Variants in PCGF2 observed in about 807,000 individuals in gnomAD.
PCGF2 encodes polycomb group RING finger protein 2.
In PCGF2, 8 loss-of-function variants were observed where a neutral mutation model predicts 36.1. The observed-to-expected ratio is 0.22, with a 90% CI of 0.13 to 0.40. PCGF2 has a LOEUF of 0.40. Ranked by LOEUF, PCGF2 falls within the 10% of genes least tolerant of loss-of-function variation. PCGF2 has a pLI of 1.00. For synonymous variants in PCGF2, 198 were observed against 191.2 expected, an observed-to-expected ratio of 1.04 and a Z score of -0.29; for missense variants, 436 against 475.9, an observed-to-expected ratio of 0.92 and a Z score of 0.78.
Position 38,739,090 on chromosome 17 carries a change from A to G in PCGF2, c.294T>C (p.Tyr98=). The stretch of plus-strand genomic sequence containing the variant: ...CACCCTCCGTCAGGGGGTACGCTGC[A>G]TAGAAATCCCGCCGCCGTTTCATCT... ...KDEMKRRRDF[Y]AAYPLTEVPN... Residue 98 remains tyrosine (Y), a synonymous_variant, in exon 6 of 11, where the codon TAT becomes TAC. Transcript: ENST00000620225. This position sits in a 1 kb window ranked among gnomAD's most constrained non-coding sequence, Gnocchi z 4.0. The G allele has an allele frequency of 2.5e-6, 4 of 1,613,662 alleles. No homozygotes were observed. Among genetic ancestry groups the G allele is most frequent in the Non-Finnish European group, 3.4e-6 (4 of 1,180,022 alleles).
upstream of PCGF2, chr17:38,748,498 G>C (rs775386562): frequency 6.6e-6 from 1 of 152,208 alleles, no homozygotes; most frequent in Non-Finnish European, 1.5e-5. Context: ...TGGCAGAGAC[G>C]GGAAGAGGAG....
chr17:38,747,917 G>C lies in PCGF2; in HGVS notation c.-79C>G, dbSNP rs1439144050. ...CTGCCCGGGGGCTGCTGCACAAAGAGGTGGTGGTCGAGGGAGACGCCAAAT... is the reference window on the plus strand; with the variant it reads ...CTGCCCGGGGGCTGCTGCACAAAGACGTGGTGGTCGAGGGAGACGCCAAAT... On this transcript the variant is annotated 5_prime_UTR_variant, in exon 2 of 11. Transcript: ENST00000620225. 6.5e-6 allele frequency: 1 copy of C among 152,876 alleles called. No homozygotes were observed. Among genetic ancestry groups the C allele is most frequent in the Non-Finnish European group, 1.5e-5 (1 of 68,238 alleles). The allele number at this position is 152,876 out of a possible 1,614,324, so 9.5% of individuals were successfully genotyped here.
chr17:38,734,960 AAATG>A lies in PCGF2; in HGVS notation c.*259_*262del, dbSNP rs1185411479. On this transcript the variant is annotated 3_prime_UTR_variant, in exon 11 of 11. Coordinates refer to ENST00000620225, the MANE Select transcript of PCGF2 (RefSeq NM_007144.3). Reference sequence around the variant, plus strand: ...AATTACACAAGACCCCCCCCAAAAAAAATGAACACCATTTTCCACACATACACAC... The same window carrying A: ...AATTACACAAGACCCCCCCCAAAAAAAACACCATTTTCCACACATACACAC... 3.4e-6 allele frequency: 1 copy of A among 295,882 alleles called. No homozygotes were observed. The highest frequency in any genetic ancestry group is 2.2e-5 in the African/African-American group (1 of 46,220). The allele number at this position is 295,882 out of a possible 1,614,324, so 18.3% of individuals were successfully genotyped here.
chr17:38,744,552 C>T (rs1156767189), intron 2 of PCGF2, among the ~76,000 whole-genome samples: 1 of 152,138 alleles, frequency 6.6e-6, no homozygotes, highest in African/African-American at 2.4e-5. Flanking sequence ...GACAGGGTTT[C>T]ACCATGTTGG....
chr17:38,736,760 G>A (rs570199892), intron 9 of PCGF2, among the ~76,000 whole-genome samples: 12 of 152,148 alleles, frequency 7.9e-5, no homozygotes, highest in Non-Finnish European at 1.3e-4. Context: ...CGTGAACCCG[G>A]GAGGCGGAGC....
At chr17:38,744,672 A>G (rs947125692) in intron 2 of PCGF2, among the ~76,000 whole-genome samples, 1 of 151,970 alleles carries the variant, frequency 6.6e-6, no homozygotes, top group African/African-American at 2.4e-5. Flanking sequence ...CTCCATTTTA[A>G]CCAGTGTCTT....
chr17:38,742,548 G>A (rs192079140), intron 2 of PCGF2, among the ~76,000 whole-genome samples: 7 of 152,304 alleles, frequency 4.6e-5, no homozygotes, highest in African/African-American at 1.2e-4. Flanking sequence ...GAGACATGGC[G>A]GAGAGGTGGC....
At position 38,740,386 on chromosome 17, in the gene PCGF2, C is replaced by T. The variant is rs779496705; in HGVS notation, c.17G>A (p.Arg6Gln). 22 of 1,554,888 alleles carry T rather than the reference C, an allele frequency of 1.4e-5. No homozygotes were observed. The highest frequency in any genetic ancestry group is 1.8e-5 in the Non-Finnish European group (21 of 1,138,278). Reference protein sequence around the residue: MHRTTRIKITELNPHL... With the variant: MHRTTQIKITELNPHL... The stretch of plus-strand genomic sequence containing the variant: ...GGGGTTCAGCTCTGTGATTTTGATC[C>T]GTGTAGTCCGATGCATGATTCCGGG... Residue 6 changes from arginine to glutamine, a missense_variant, in exon 3 of 11, where the codon CGG becomes CAG. By Grantham distance (43) the Arg-to-Gln change is conservative. Transcript: ENST00000620225.
chr17:38,749,759 C>T (rs914590502), upstream of PCGF2: 9 of 453,244 alleles, frequency 2.0e-5, no homozygotes, highest in East Asian at 7.0e-5. The surrounding 1 kb of genome is among the most constrained non-coding windows in gnomAD (Gnocchi z 6.5). Context: ...CTCTGGCCGG[C>T]GACCAGGAGA....
chr17:38,736,232 G>GT, intron 9 of PCGF2, 62 bp from the exon 10 acceptor site: 2 of 1,030,674 alleles, frequency 1.9e-6, no homozygotes, highest in Non-Finnish European at 3.0e-6. Flanking sequence ...GGCTGGGAAT[G>GT]TGGGGGACTG....
At chr17:38,737,933 A>T (rs2143083549) in intron 9 of PCGF2, among the ~76,000 whole-genome samples, 1 of 151,996 alleles carries the variant, frequency 6.6e-6, no homozygotes, top group Non-Finnish European at 1.5e-5. Flanking sequence ...AAAAAAGGAA[A>T]TATGGAATCT....
chr17:38,739,537 A>G lies in PCGF2; in HGVS notation c.209+49T>C. On this transcript the variant is annotated intron_variant, in intron 4 of 10. Transcript: ENST00000620225. The surrounding 1 kb of genome is among the most constrained non-coding windows in gnomAD (Gnocchi z 4.0). ...GCACGGAGCGTGGGAGGGATGGGGG[A>G]GGCTGACCCAGAGGATCGCGGGGAC... 7.2e-7 allele frequency: 1 copy of G among 1,389,350 alleles called. No homozygotes were observed. Among genetic ancestry groups the G allele is most frequent in the Non-Finnish European group, 1.0e-6 (1 of 975,004 alleles). The allele number at this position is 1,389,350 out of a possible 1,614,324, so 86.1% of individuals were successfully genotyped here. A position where few individuals can be genotyped will look rare whatever the true frequency, so the allele number is the denominator to read the frequency against.
rs555817669 is a variant in PCGF2 at position 38,735,247 on chromosome 17, G to A, written c.1011C>T (p.Gly337=). 1.4e-5 allele frequency: 20 copies of A among 1,450,222 alleles called. No individual in the cohort carries two copies. In the Admixed American group the frequency reaches 2.0e-4, roughly 15 times the overall value. 89.8% of individuals were successfully genotyped at this position (1,450,222 alleles called of 1,614,324 possible). Residue 337 remains glycine, a synonymous_variant, in exon 11 of 11, where the codon GGC becomes GGT. Transcript: ENST00000620225. ...CTCAAGTTAAGGGGGGCACGGGAGC[G>A]CCGTTGACAGTCATCTTGCGCCCCC... is the stretch of plus-strand genomic sequence containing the variant. ...TSRGRKMTVN[G]APVPPLT
In PCGF2 at chr17:38,739,562, C is replaced by G. The variant is rs1161159632; in HGVS notation, c.209+24G>C. 2 of 1,561,618 alleles carry G rather than the reference C, an allele frequency of 1.3e-6. No homozygotes were observed. The highest frequency in any genetic ancestry group is 3.3e-5 in the Admixed American group (2 of 59,964). On this transcript the variant is annotated intron_variant, in intron 4 of 10. Coordinates refer to ENST00000620225, the MANE Select transcript of PCGF2 (RefSeq NM_007144.3). This position sits in a 1 kb window ranked among gnomAD's most constrained non-coding sequence, Gnocchi z 4.0. Reference sequence around the variant, plus strand: ...AGGCTGACCCAGAGGATCGCGGGGACAGGAGGTGCCGTGCCAAGCCCACCT... The same window carrying G: ...AGGCTGACCCAGAGGATCGCGGGGAGAGGAGGTGCCGTGCCAAGCCCACCT...
rs1313697095 is a variant in PCGF2 at position 38,739,335 on chromosome 17, C to A, written c.210-82G>T. 26 of 1,285,778 alleles carry A rather than the reference C, an allele frequency of 2.0e-5. No individual in the cohort carries two copies. The highest frequency in any genetic ancestry group is 1.1e-6 in the Non-Finnish European group (1 of 886,408). The allele number at this position is 1,285,778 out of a possible 1,614,324, so 79.6% of individuals were successfully genotyped here. A position where few individuals can be genotyped will look rare whatever the true frequency, so the allele number is the denominator to read the frequency against. ...CGCCCTGCTCTCCCAGCCAGGGTAC[C>A]CCTCTTCCCACCCCCTTCCTGAGAC... On this transcript the variant is annotated intron_variant, in intron 4 of 10. Coordinates refer to ENST00000620225, the MANE Select transcript of PCGF2 (RefSeq NM_007144.3). This position sits in a 1 kb window ranked among gnomAD's most constrained non-coding sequence, Gnocchi z 4.0.
At chr17:38,736,790 T>C (rs1193057738) in intron 9 of PCGF2, among the ~76,000 whole-genome samples, 8 of 151,198 alleles carry the variant, frequency 5.3e-5, no homozygotes, top group Non-Finnish European at 1.2e-4. Flanking sequence ...GCGGAGATAG[T>C]GCCCCTGAAC....
intron 2 of PCGF2, among the ~76,000 whole-genome samples, chr17:38,742,978 C>A (rs1263140069): frequency 6.6e-6 from 1 of 151,740 alleles, no homozygotes; most frequent in Non-Finnish European, 1.5e-5. Flanking sequence ...TCCCGTTCAC[C>A]CTCATATACA....
chr17:38,736,563 G>GTA (rs1567939192), intron 9 of PCGF2, among the ~76,000 whole-genome samples: 8 of 151,886 alleles, frequency 5.3e-5, no homozygotes, highest in Admixed American at 4.6e-4. Context: ...GGCCGGGTGC[G>GTA]GTGGCTCATG....
At chr17:38,736,324 C>G (rs1228598198) in intron 9 of PCGF2, among the ~76,000 whole-genome samples, 154 bp from the exon 10 acceptor site, 1 of 152,178 alleles carries the variant, frequency 6.6e-6, no homozygotes, top group Non-Finnish European at 1.5e-5. Context: ...ACTTCCCTGT[C>G]AGAGTTGTTC....
Sources: gnomAD v4.1 joint callset for allele counts (sites outside exome capture counted in the v4.1 genomes callset) on GRCh38, gnomAD v4.1.1 for gene constraint, Gnocchi (gnomAD v3.1) non-coding constraint, MANE v1.5 for transcripts, NCBI Gene and HGNC (gene_info 2026-07-23, HGNC 2026-07-21) for gene names.